The following SMTN variants were observed in gnomAD, a reference collection of about 807,000 sequenced individuals.
The protein encoded by SMTN is smoothelin.
In SMTN, 58 loss-of-function variants were observed where a neutral mutation model predicts 102.0. The observed-to-expected ratio is 0.57, with a 90% CI of 0.46 to 0.71. The LOEUF is 0.71. Ranked by LOEUF, SMTN falls within the 30% of genes least tolerant of loss-of-function variation. SMTN has a pLI of 0.00. For synonymous variants in SMTN, 478 were observed against 497.9 expected, an observed-to-expected ratio of 0.96 and a Z score of 0.53; for missense variants, 1,185 against 1,241.7, an observed-to-expected ratio of 0.95 and a Z score of 0.69.
At chr22:31,078,172 C>G (rs2042175781), upstream of SMTN, among the ~76,000 whole-genome samples, 1 of 152,224 alleles carries the variant, frequency 6.6e-6, no homozygotes. Context: ...TCCAAGAGGG[C>G]CAACCCTTAC....
chr22:31,092,415 G>GTGCCTT (rs2043205542), intron 11 of SMTN: 1 of 467,612 alleles, frequency 2.1e-6, no homozygotes. Context: ...AGCCTAGCAG[G>GTGCCTT]TGCCTTGGGA....
intron 1 of SMTN, chr22:31,082,667 A>C: frequency 1.6e-6 from 1 of 636,314 alleles, no homozygotes; most frequent in South Asian, 1.7e-5. Flanking sequence ...AAGAATCGGA[A>C]GACACAGTGT....
intron 1 of SMTN, among the ~76,000 whole-genome samples, chr22:31,072,463 T>A (rs997074488): frequency 6.6e-6 from 1 of 152,148 alleles, no homozygotes; most frequent in African/African-American, 2.4e-5. Flanking sequence ...AGATTCTTTT[T>A]TTCTTTTTCT....
chr22:31,100,031 G>T, intron 19 of SMTN, 135 bp downstream of exon 19: 2 of 848,954 alleles, frequency 2.4e-6, no homozygotes, highest in Non-Finnish European at 3.6e-6. Flanking sequence ...CCCTTCCCCA[G>T]AGAGTCCCCG....
chr22:31,089,111 A>G, intron 6 of SMTN, 142 bp downstream of exon 6: 2 of 696,392 alleles, frequency 2.9e-6, no homozygotes, highest in South Asian at 3.8e-5. Flanking sequence ...AGTCAGAGGG[A>G]TCTCCCAGAA....
intron 15 of SMTN, 90 bp from the exon 16 acceptor site, chr22:31,097,179 G>C: frequency 6.7e-7 from 1 of 1,485,922 alleles, no homozygotes; most frequent in South Asian, 1.1e-5. Flanking sequence ...CTCTGCCTGC[G>C]GCTATCACCA....
intron 20 of SMTN, 103 bp downstream of exon 20, chr22:31,101,152 T>C: frequency 8.7e-7 from 1 of 1,147,664 alleles, no homozygotes; most frequent in South Asian, 1.5e-5. Context: ...GGGGGGCATT[T>C]AGTCAAGCCA....
upstream of SMTN, among the ~76,000 whole-genome samples, chr22:31,078,140 G>A (rs188656797): frequency 1.6e-4 from 25 of 152,310 alleles, no homozygotes; most frequent in East Asian, 4.8e-3. Flanking sequence ...CTCCTCCATT[G>A]TGCATATGAG....
At chr22:31,085,280 G>A in intron 2 of SMTN, 1 of 1,505,160 alleles carries the variant, frequency 6.6e-7, no homozygotes, top group Non-Finnish European at 8.9e-7. Flanking sequence ...TCGGCGCCTA[G>A]CGCGAGGCAG....
Position 31,095,801 on chromosome 22 carries a change from C to T in SMTN, c.1861+192C>T, listed in dbSNP as rs2043539903. 2.3e-5 allele frequency: 14 copies of T among 600,770 alleles called. No individual in the cohort carries two copies. The highest frequency in any genetic ancestry group is 3.2e-5 in the Non-Finnish European group (11 of 339,404). The allele number at this position is 600,770 out of a possible 1,614,324, so 37.2% of individuals were successfully genotyped here. ...GCTCCTTCCCTAGCTCCTTCTCTCC[C>T]GCTGGTGACCCCAGTTATTCTCCCC... On this transcript the variant is annotated intron_variant, in intron 13 of 20. Transcript: ENST00000333137. The surrounding 1 kb of genome is among the most constrained non-coding windows in gnomAD (Gnocchi z 4.1).
chr22:31,070,946 AG>A (rs1473101589), intron 1 of SMTN, among the ~76,000 whole-genome samples: 4 of 148,208 alleles, frequency 2.7e-5, no homozygotes, highest in African/African-American at 1.0e-4. Flanking sequence ...AAAAAAGAAA[AG>A]AAAACGATTT....
chr22:31,086,398 A>G (rs1163775977), intron 2 of SMTN, among the ~76,000 whole-genome samples: 1 of 152,204 alleles, frequency 6.6e-6, no homozygotes, highest in Non-Finnish European at 1.5e-5. Context: ...GAATAACAGT[A>G]GTATCTAGGG....
In SMTN at chr22:31,089,879, T is replaced by G. The variant is rs116294143; in HGVS notation, c.652T>G (p.Leu218Val). The change falls in exon 7 of 21, where the codon TTG becomes GTG. Residue 218 changes from leucine (L) to valine (V), a missense_variant. Physicochemically the swap from Leu to Val is conservative, Grantham distance 32. Coordinates refer to ENST00000333137, the MANE Select transcript of SMTN (RefSeq NM_134269.3). ...SPTPASPEPP[L>V]EPAEAQCLTA... Reference sequence around the variant, plus strand: ...CACCCCTGCCTCTCCTGAGCCTCCATTGGAGCCTGCCGAGGCCCAGTGCCT... The same window carrying G: ...CACCCCTGCCTCTCCTGAGCCTCCAGTGGAGCCTGCCGAGGCCCAGTGCCT... 1.2e-6 allele frequency: 2 copies of G among 1,613,744 alleles called. No homozygotes were observed. The highest frequency in any genetic ancestry group is 1.7e-6 in the Non-Finnish European group (2 of 1,179,888).
At chr22:31,090,621 C>A (rs117678708) in intron 8 of SMTN, among the ~76,000 whole-genome samples, 187 bp from the exon 9 acceptor site, 5,061 of 152,078 alleles carry the variant, frequency 0.033, 145 homozygotes, top group Non-Finnish European at 0.047. Flanking sequence ...AGGAGAGATG[C>A]AGCCGAGTGG....
rs2042992869 is a variant in SMTN at position 31,089,981 on chromosome 22, C to G, written c.754C>G (p.Pro252Ala). 6.2e-7 allele frequency: 1 copy of G among 1,600,450 alleles called. No homozygotes were observed. The highest frequency in any genetic ancestry group is 8.5e-7 in the Non-Finnish European group (1 of 1,173,406). ...KTTSPEPQES[P>A]TLPSTEGQVV... ...CACCAGCCCTGAGCCTCAGGAGTCT[C>G]CAACGCTCCCCAGCACTGAGGGCCA... Residue 252 changes from proline (P) to alanine (A), a missense_variant, in exon 7 of 21, where the codon CCA becomes GCA. Physicochemically the swap from Pro to Ala is conservative, Grantham distance 27. This residue lies in a region of SMTN where 1,096 missense variants were observed against 1,112.7 expected (regional missense o/e 0.98). Transcript: ENST00000333137.
chr22:31,096,998 A>G lies in SMTN; in HGVS notation c.2027A>G (p.Asn676Ser), dbSNP rs2043643208. 3 of 1,614,072 alleles carry G rather than the reference A, an allele frequency of 1.9e-6. No homozygotes were observed. The highest frequency in any genetic ancestry group is 2.5e-6 in the Non-Finnish European group (3 of 1,179,974). Reference protein sequence around the residue: ...VTKTERLVHSNDGTRTARTTT... With the variant: ...VTKTERLVHSSDGTRTARTTT... ...TCCTTCTCATCCCCTGCCCCTGCAGATGATGGCACACGGACGGCCCGCACC... is the reference window on the plus strand; with the variant it reads ...TCCTTCTCATCCCCTGCCCCTGCAGGTGATGGCACACGGACGGCCCGCACC... Residue 676 changes from asparagine to serine, a missense_variant and splice_region_variant, in exon 15 of 21, where the codon AAT (asparagine) becomes AGT (serine). This residue lies in a region of SMTN where 1,096 missense variants were observed against 1,112.7 expected (regional missense o/e 0.98). Coordinates refer to ENST00000333137, the MANE Select transcript of SMTN (RefSeq NM_134269.3).
chr22:31,099,959 G>T, intron 19 of SMTN, 63 bp downstream of exon 19: 3 of 1,536,492 alleles, frequency 2.0e-6, no homozygotes, highest in Non-Finnish European at 1.8e-6. Context: ...TCGGGACCAG[G>T]CCCAGTTGCC....
chr22:31,095,610 G>T lies in SMTN; in HGVS notation c.1861+1G>T. On this transcript the variant is annotated splice_donor_variant, in intron 13 of 20. Coordinates refer to ENST00000333137, the MANE Select transcript of SMTN (RefSeq NM_134269.3). LOFTEE classifies it high-confidence loss of function. The surrounding 1 kb of genome is among the most constrained non-coding windows in gnomAD (Gnocchi z 4.1). ...CGTGAGCTCCGACAAAGGAAGAGAG[G>T]TAGAGAGCCAGTTGCCCTACCCTAG... 6.2e-7 allele frequency: 1 copy of T among 1,611,730 alleles called. No individual in the cohort carries two copies. Among genetic ancestry groups the T allele is most frequent in the Non-Finnish European group, 8.5e-7 (1 of 1,179,010 alleles).
intron 11 of SMTN, among the ~76,000 whole-genome samples, chr22:31,093,125 G>T (rs1215188133): frequency 1.3e-5 from 2 of 152,226 alleles, no homozygotes; most frequent in African/African-American, 4.8e-5. Context: ...ATGGGGCCCC[G>T]ATCTCAGTGA....
Sources: gnomAD v4.1 joint callset for allele counts (sites outside exome capture counted in the v4.1 genomes callset) on GRCh38, gnomAD v4.1.1 for gene constraint, gnomAD v4.1.1 regional missense constraint, Gnocchi (gnomAD v3.1) non-coding constraint, MANE v1.5 for transcripts, NCBI Gene and HGNC (gene_info 2026-07-23, HGNC 2026-07-21) for gene names.